RTF1: variants seen among roughly 807,000 people sequenced by gnomAD.
RTF1 encodes the protein RNA polymerase-associated protein RTF1 homolog.
In RTF1, 10 loss-of-function variants were observed where a neutral mutation model predicts 95.7. The ratio of observed to expected loss-of-function variants is 0.10; its 90% CI spans 0.06 to 0.18. RTF1 has a LOEUF of 0.18. Among genes scored for constraint, RTF1 ranks in the 10% least tolerant of loss-of-function variants. The pLI, the probability that RTF1 is intolerant of heterozygous loss-of-function variation, is 1.00. For missense variants in RTF1, 458 were observed against 875.6 expected (o/e 0.52, Z 6.02); for synonymous variants, 305 against 311.8 (o/e 0.98, Z 0.23).
chr15:41,474,907 A>G (rs569055032), intron 9 of RTF1, among the ~76,000 whole-genome samples: 1 of 152,246 alleles, frequency 6.6e-6, no homozygotes, highest in Non-Finnish European at 1.5e-5. Flanking sequence ...AACCAAATAT[A>G]TGAAGGGGTA....
chr15:41,467,464 T>C (rs2050886230), intron 6 of RTF1, among the ~76,000 whole-genome samples: 1 of 152,060 alleles, frequency 6.6e-6, no homozygotes, highest in Non-Finnish European at 1.5e-5. Context: ...ATTGTAATCC[T>C]AGCACTTTGG....
At chr15:41,434,530 A>G (rs2050692127) in intron 1 of RTF1, among the ~76,000 whole-genome samples, 1 of 152,106 alleles carries the variant, frequency 6.6e-6, no homozygotes, top group African/African-American at 2.4e-5. Flanking sequence ...GAAGGGATGT[A>G]TAAAGATGAG....
At chr15:41,478,417 A>AG (rs2050953228) in intron 14 of RTF1, 131 bp from the exon 15 acceptor site, 4 of 743,562 alleles carry the variant, frequency 5.4e-6, no homozygotes, top group African/African-American at 1.8e-5. Flanking sequence ...AATTAAAAAA[A>AG]AAAAAAAAGG....
At chr15:41,457,921 C>G (rs778790284) in intron 4 of RTF1, 45 bp downstream of exon 4, 1 of 1,382,450 alleles carries the variant, frequency 7.2e-7, no homozygotes, top group Non-Finnish European at 9.8e-7. Context: ...CCCACCTTTT[C>G]TGTTCATCTC....
intron 16 of RTF1, among the ~76,000 whole-genome samples, chr15:41,479,905 C>G (rs575843149): frequency 6.6e-6 from 1 of 151,142 alleles, no homozygotes; most frequent in Non-Finnish European, 1.5e-5. Context: ...CAAGTTAAGT[C>G]TTTTCCTGTT....
rs767170251 is a variant in RTF1 at position 41,474,713 on chromosome 15, C to T, written c.1286+11C>T. 2 of 1,603,796 alleles carry T rather than the reference C, an allele frequency of 1.2e-6. No homozygotes were observed. The highest frequency in any genetic ancestry group is 1.3e-5 in the African/African-American group (1 of 74,686). On this transcript the variant is annotated intron_variant, in intron 9 of 17. Transcript: ENST00000389629. ...AGGGCTGCAACTACGGTAGGAGGCACTTCTGGGGTAGCTTCTGCTTCCACT... is the reference window on the plus strand; with the variant it reads ...AGGGCTGCAACTACGGTAGGAGGCATTTCTGGGGTAGCTTCTGCTTCCACT...
chr15:41,421,852 A>G (rs58148245), intron 1 of RTF1, among the ~76,000 whole-genome samples: 2,791 of 151,734 alleles, frequency 0.018, 89 homozygotes, highest in African/African-American at 0.064. Flanking sequence ...CTGGGACTAC[A>G]GGTGTGCACC....
intron 2 of RTF1, among the ~76,000 whole-genome samples, chr15:41,449,712 T>C (rs1027977448): frequency 1.3e-5 from 2 of 151,792 alleles, no homozygotes; most frequent in African/African-American, 4.8e-5. Context: ...GTTTCTCTAG[T>C]AATAGCTACT....
At chr15:41,480,122 C>A in intron 16 of RTF1, 92 bp from the exon 17 acceptor site, 1 of 799,936 alleles carries the variant, frequency 1.3e-6, no homozygotes, top group Non-Finnish European at 2.1e-6. Context: ...CTAATGAACT[C>A]AAATAAGAGC....
chr15:41,477,315 C>T (rs764442547), intron 13 of RTF1, 29 bp downstream of exon 13: 1 of 1,614,040 alleles, frequency 6.2e-7, no homozygotes, highest in Non-Finnish European at 8.5e-7. Context: ...TTTTGGCCCG[C>T]AGACCTTGGC....
Position 41,477,915 on chromosome 15 carries a change from G to T in RTF1, c.1740+400G>T, listed in dbSNP as rs188739174. The stretch of plus-strand genomic sequence containing the variant: ...GGGGTCAGGAGTTTGAAACCAGCCT[G>T]GCCAGCATGACAAAACCCTGTCTCT... On this transcript the variant is annotated intron_variant, in intron 14 of 17. Coordinates refer to ENST00000389629, the MANE Select transcript of RTF1 (RefSeq NM_015138.5). Among the ~76,000 whole-genome samples the T allele has an allele frequency of 2.4e-3, 370 of 152,052 alleles. 1 individual carries two copies. The highest frequency in any genetic ancestry group is 8.5e-3 in the African/African-American group (351 of 41,460).
chr15:41,450,393 C>T (rs2050784052), intron 2 of RTF1, among the ~76,000 whole-genome samples: 1 of 150,768 alleles, frequency 6.6e-6, no homozygotes. Context: ...CGAGACCAGC[C>T]TGACCAACAT....
intron 3 of RTF1, among the ~76,000 whole-genome samples, chr15:41,454,172 C>A (rs1279963231): frequency 6.6e-6 from 1 of 152,118 alleles, no homozygotes; most frequent in African/African-American, 2.4e-5. Flanking sequence ...TCTTGGCTCA[C>A]TGCAACCTCT....
chr15:41,436,288 A>G (rs911992288), intron 1 of RTF1, among the ~76,000 whole-genome samples: 5 of 101,586 alleles, frequency 4.9e-5, no homozygotes, highest in African/African-American at 7.0e-5. Context: ...CGTCTCTACT[A>G]AAAAAAAAAA....
chr15:41,463,682 A>AT (rs1025984042), intron 4 of RTF1, among the ~76,000 whole-genome samples: 1 of 152,094 alleles, frequency 6.6e-6, no homozygotes, highest in African/African-American at 2.4e-5. Context: ...GGGTCTCACC[A>AT]TGTTGTCCAG....
At chr15:41,448,388 C>T (rs374472194) in intron 2 of RTF1, among the ~76,000 whole-genome samples, 4 of 151,912 alleles carry the variant, frequency 2.6e-5, no homozygotes, top group Middle Eastern at 3.2e-3. Flanking sequence ...AAATGTTGGC[C>T]GGGAACGGTG....
In RTF1 at chr15:41,439,051, A is replaced by G. The variant is rs561044616; in HGVS notation, c.309+620A>G. ...CTTTTATTTTCTTTTTTTTTTTTTC[A>G]AGACAGAGTCTCACTCTGTCACCAG... On this transcript the variant is annotated intron_variant, in intron 2 of 17. Transcript: ENST00000389629. Among the ~76,000 whole-genome samples the G allele has an allele frequency of 2.5e-3, 349 of 137,560 alleles. 1 individual carries two copies. The highest frequency in any genetic ancestry group is 9.1e-3 in the African/African-American group (331 of 36,470). 90.2% of individuals were successfully genotyped at this position (137,560 alleles called of 152,430 possible). A position where few individuals can be genotyped will look rare whatever the true frequency, so the allele number is the denominator to read the frequency against.
intron 12 of RTF1, among the ~76,000 whole-genome samples, chr15:41,476,802 G>T (rs1272620138): frequency 6.6e-6 from 1 of 152,182 alleles, no homozygotes; most frequent in Non-Finnish European, 1.5e-5. Flanking sequence ...ATTTAACACT[G>T]AGTCTGAACA....
At chr15:41,428,150 G>A (rs553171115) in intron 1 of RTF1, among the ~76,000 whole-genome samples, 1 of 151,154 alleles carries the variant, frequency 6.6e-6, no homozygotes, top group East Asian at 1.9e-4. Context: ...CAAGCTACAT[G>A]GTGGGACATT....
Sources: allele counts gnomAD v4.1 joint callset (sites outside exome capture counted in the v4.1 genomes callset), GRCh38; gene constraint gnomAD v4.1.1; transcripts MANE v1.5; gene names NCBI Gene and HGNC (gene_info 2026-07-23, HGNC 2026-07-21).